CRISPLD1: variants seen among roughly 807,000 people sequenced by gnomAD.
CRISPLD1 encodes the protein cysteine-rich secretory protein LCCL domain-containing 1.
In CRISPLD1, 60 loss-of-function variants were observed where a neutral mutation model predicts 77.5. That is an observed-to-expected ratio of 0.77 (90% CI 0.63 to 0.96). The LOEUF (loss-of-function observed/expected upper bound fraction) is 0.96, where lower values mean the gene tolerates loss of function less well. Among genes scored for constraint, CRISPLD1 ranks in the 40% least tolerant of loss-of-function variants. The pLI is 0.00. For missense variants in CRISPLD1, 623 were observed against 615.8 expected (o/e 1.01, Z -0.12); for synonymous variants, 195 against 200.1 (o/e 0.97, Z 0.22).
At chr8:75,008,392 T>C (rs942902425) in intron 2 of CRISPLD1, among the ~76,000 whole-genome samples, 4 of 152,214 alleles carry the variant, frequency 2.6e-5, no homozygotes, top group African/African-American at 9.6e-5. Context: ...GTGTAGGCAC[T>C]AACCTACACT....
chr8:75,000,767 C>T (rs1812726032), intron 2 of CRISPLD1, among the ~76,000 whole-genome samples: 1 of 151,932 alleles, frequency 6.6e-6, no homozygotes, highest in South Asian at 2.1e-4. Flanking sequence ...GGGACTGTGC[C>T]ATGGTAATCT....
At chr8:75,005,688 A>G (rs1188227077) in intron 2 of CRISPLD1, among the ~76,000 whole-genome samples, 2 of 152,178 alleles carry the variant, frequency 1.3e-5, no homozygotes, top group East Asian at 1.9e-4. Context: ...TGAGTTAAGC[A>G]TGCACATTTA....
At chr8:75,031,567 C>CTG (rs755567610) in intron 14 of CRISPLD1, among the ~76,000 whole-genome samples, 4,187 of 65,648 alleles carry the variant, frequency 0.064, 66 homozygotes, top group Non-Finnish European at 0.072. Context: ...ATTGAATGCT[C>CTG]TGTGTGTGTG....
At chr8:75,020,299 A>C (rs1205479982) in intron 12 of CRISPLD1, among the ~76,000 whole-genome samples, 1 of 152,248 alleles carries the variant, frequency 6.6e-6, no homozygotes, top group Non-Finnish European at 1.5e-5. Flanking sequence ...TTATGCATGT[A>C]ATCTGTATGT....
intron 10 of CRISPLD1, among the ~76,000 whole-genome samples, chr8:75,018,896 G>A (rs566627678): frequency 6.6e-6 from 1 of 152,270 alleles, no homozygotes; most frequent in South Asian, 2.1e-4. Context: ...TTGGCCTGAA[G>A]TTCTATAGAA....
At chr8:75,010,817 A>T (rs1165173776) in intron 2 of CRISPLD1, among the ~76,000 whole-genome samples, 1 of 151,914 alleles carries the variant, frequency 6.6e-6, no homozygotes, top group Non-Finnish European at 1.5e-5. Flanking sequence ...ATTCTATATA[A>T]TATTCCCGAA....
intron 2 of CRISPLD1, among the ~76,000 whole-genome samples, chr8:74,990,969 G>T (rs7842169): frequency 0.31 from 47,495 of 151,062 alleles, 8,342 homozygotes; most frequent in African/African-American, 0.49. Context: ...TACCACAGAT[G>T]CCCACCTAGC....
Position 75,032,249 on chromosome 8 carries a change from A to G in CRISPLD1, c.*7A>G. On this transcript the variant is annotated 3_prime_UTR_variant, in exon 15 of 15. Coordinates refer to ENST00000262207, the MANE Select transcript of CRISPLD1 (RefSeq NM_031461.6). ...AGTGTTTGCTGTTGTGTGAAACTGA[A>G]TACTTGGAAGAGGACCATAAAGACT... 2.5e-6 allele frequency: 4 copies of G among 1,602,048 alleles called. No homozygotes were observed. Among genetic ancestry groups the G allele is most frequent in the Non-Finnish European group, 3.4e-6 (4 of 1,172,338 alleles).
intron 2 of CRISPLD1, among the ~76,000 whole-genome samples, chr8:74,997,737 C>G (rs1812667725): frequency 6.6e-6 from 1 of 152,116 alleles, no homozygotes; most frequent in South Asian, 2.1e-4. Context: ...GCTGGTGTCC[C>G]AGAAGCCAGG....
intron 2 of CRISPLD1, among the ~76,000 whole-genome samples, chr8:74,991,732 G>A (rs1812576114): frequency 6.6e-6 from 1 of 152,096 alleles, no homozygotes; most frequent in Non-Finnish European, 1.5e-5. Context: ...GTTTCACTGT[G>A]TTGGCTAGGC....
intron 2 of CRISPLD1, among the ~76,000 whole-genome samples, chr8:75,003,291 T>C (rs1389647837): frequency 6.6e-6 from 1 of 152,250 alleles, no homozygotes; most frequent in East Asian, 1.9e-4. Flanking sequence ...TGTCAAATTG[T>C]AGATTTCAGT....
At chr8:75,001,560 TA>T (rs759207824) in intron 2 of CRISPLD1, among the ~76,000 whole-genome samples, 97 of 152,344 alleles carry the variant, frequency 6.4e-4, no homozygotes, top group Non-Finnish European at 3.8e-4. Flanking sequence ...TAAAGCTTCT[TA>T]AAAGAGGTAT....
Position 75,017,525 on chromosome 8 carries a change from C to A in CRISPLD1, c.1127+75C>A, listed in dbSNP as rs533976647. 8.1e-6 allele frequency: 10 copies of A among 1,232,754 alleles called. No individual in the cohort carries two copies. In the African/African-American group the frequency reaches 9.4e-5, roughly 12 times the overall value. The allele number at this position is 1,232,754 out of a possible 1,614,324, so 76.4% of individuals were successfully genotyped here. ...TGAGCTAACACATTTTTTTTTAGAGCAAAGCATAGAATAATTTAAGAAGAA... is the reference window on the plus strand; with the variant it reads ...TGAGCTAACACATTTTTTTTTAGAGAAAAGCATAGAATAATTTAAGAAGAA... On this transcript the variant is annotated intron_variant, in intron 10 of 14. Transcript: ENST00000262207.
rs559918628 is a variant in CRISPLD1 at position 74,992,680 on chromosome 8, C to T, written c.258+6435C>T. ...TTGATTGCTATGCATGCCTCCTCTG[C>T]CCTCATGTATTGGAGAGGCTAGGGG... On this transcript the variant is annotated intron_variant, in intron 2 of 14. Transcript: ENST00000262207. 2.0e-5 allele frequency among the ~76,000 whole-genome samples: 3 copies of T among 152,228 alleles called. No individual in the cohort carries two copies. The South Asian group carries it at 6.2e-4, about 32-fold the overall frequency.
At chr8:74,999,636 G>A (rs1001307236) in intron 2 of CRISPLD1, among the ~76,000 whole-genome samples, 21 of 152,052 alleles carry the variant, frequency 1.4e-4, no homozygotes, top group African/African-American at 4.3e-4. Context: ...TGGAGGAAGT[G>A]GGGTTTGAAT....
At chr8:75,014,965 C>A in intron 6 of CRISPLD1, 53 bp downstream of exon 6, 1 of 1,215,328 alleles carries the variant, frequency 8.2e-7, no homozygotes, top group Non-Finnish European at 1.1e-6. Context: ...TAATCCAGCT[C>A]CTGCATTACT....
chr8:75,010,169 A>C (rs931553512), intron 2 of CRISPLD1, among the ~76,000 whole-genome samples: 1 of 152,122 alleles, frequency 6.6e-6, no homozygotes, highest in African/African-American at 2.4e-5. Flanking sequence ...TAATGATGAT[A>C]ATAAACTTAT....
intron 2 of CRISPLD1, among the ~76,000 whole-genome samples, chr8:75,008,064 T>C (rs1398209080): frequency 1.3e-5 from 2 of 152,172 alleles, no homozygotes; most frequent in African/African-American, 4.8e-5. Flanking sequence ...CATGCTGAAC[T>C]AGTTTAAAAA....
chr8:75,007,855 C>CT (rs1384375626), intron 2 of CRISPLD1, among the ~76,000 whole-genome samples: 1 of 151,454 alleles, frequency 6.6e-6, no homozygotes, highest in Non-Finnish European at 1.5e-5. Flanking sequence ...TCATTTTTTA[C>CT]TTTTTGTAAA....
Sources: allele counts gnomAD v4.1 joint callset (sites outside exome capture counted in the v4.1 genomes callset), GRCh38; gene constraint gnomAD v4.1.1; transcripts MANE v1.5; gene names NCBI Gene and HGNC (gene_info 2026-07-23, HGNC 2026-07-21).